TMEM163: variants seen among roughly 807,000 people sequenced by gnomAD.
TMEM163 encodes the protein transmembrane protein 163.
In TMEM163, 17 loss-of-function variants were observed where a neutral mutation model predicts 29.3. That is an observed-to-expected ratio of 0.58 (90% CI 0.40 to 0.87). The LOEUF is 0.87. Ranked by LOEUF, TMEM163 falls within the 40% of genes least tolerant of loss-of-function variation. The pLI is 0.00. For synonymous variants in TMEM163, 157 were observed against 160.6 expected (o/e 0.98, Z 0.17); for missense variants, 303 against 381.5 (o/e 0.79, Z 1.71).
At chr2:134,476,707 T>TGGAG in intron 5 of TMEM163, among the ~76,000 whole-genome samples, 1 of 152,322 alleles carries the variant, frequency 6.6e-6, no homozygotes, top group Non-Finnish European at 1.5e-5. Flanking sequence ...AACATGGACC[T>TGGAG]GGAGGGCTGG....
intron 4 of TMEM163, among the ~76,000 whole-genome samples, chr2:134,533,509 T>G (rs1680460269): frequency 6.6e-6 from 1 of 152,260 alleles, no homozygotes; most frequent in African/African-American, 2.4e-5. Context: ...AACATTCATA[T>G]TAATTGAAAC....
chr2:134,697,458 T>C (rs1684607079), intron 2 of TMEM163, among the ~76,000 whole-genome samples: 1 of 147,624 alleles, frequency 6.8e-6, no homozygotes, highest in South Asian at 2.1e-4. Context: ...ATAGGTTTCT[T>C]CTCAATTTTT....
chr2:134,611,865 C>A lies in TMEM163; in HGVS notation c.323-59774G>T, dbSNP rs139957958. ...CCATGTTGGGGGAAACAGGCAAAAA[C>A]GACAGTCACTTGCAGGAAAGTAACC... On this transcript the variant is annotated intron_variant, in intron 2 of 7. Coordinates refer to ENST00000281924, the MANE Select transcript of TMEM163 (RefSeq NM_030923.5). Among the ~76,000 whole-genome samples the A allele has an allele frequency of 2.0e-4, 30 of 152,266 alleles. No homozygotes were observed. In the East Asian group the frequency reaches 5.4e-3, roughly 27 times the overall value.
chr2:134,457,170 C>A (rs1207034194), intron 7 of TMEM163, among the ~76,000 whole-genome samples: 2 of 152,138 alleles, frequency 1.3e-5, no homozygotes, highest in African/African-American at 4.8e-5. Flanking sequence ...ACAGATCTAC[C>A]ACATTTATCC....
At chr2:134,554,047 G>A (rs1680992213) in intron 2 of TMEM163, among the ~76,000 whole-genome samples, 1 of 152,172 alleles carries the variant, frequency 6.6e-6, no homozygotes, top group South Asian at 2.1e-4. Flanking sequence ...TTAGCTGTGT[G>A]CTTTTTGTGG....
intron 2 of TMEM163, among the ~76,000 whole-genome samples, chr2:134,672,280 A>G (rs546739420): frequency 1.3e-5 from 2 of 152,350 alleles, no homozygotes; most frequent in Admixed American, 6.5e-5. Context: ...AGAAATGGCT[A>G]TGACCACATA....
At chr2:134,590,219 C>G (rs567451784) in intron 2 of TMEM163, among the ~76,000 whole-genome samples, 1 of 151,866 alleles carries the variant, frequency 6.6e-6, no homozygotes, top group South Asian at 2.1e-4. Context: ...GGATCTAGTA[C>G]AGAAACAGAA....
intron 6 of TMEM163, among the ~76,000 whole-genome samples, chr2:134,465,189 T>TAAAAAAAAAAC (rs1553471746): frequency 8.5e-6 from 1 of 117,734 alleles, no homozygotes; most frequent in African/African-American, 3.7e-5. Flanking sequence ...TCCGCATCTT[T>TAAAAAAAAAAC]AAAAAAAAAA....
chr2:134,656,490 G>T (rs1358953649), intron 2 of TMEM163, among the ~76,000 whole-genome samples: 1 of 152,170 alleles, frequency 6.6e-6, no homozygotes, highest in African/African-American at 2.4e-5. Context: ...AGATGGAAAT[G>T]CAGAAATCAC....
chr2:134,519,929 T>G (rs891382980), intron 4 of TMEM163, among the ~76,000 whole-genome samples: 1 of 149,142 alleles, frequency 6.7e-6, no homozygotes, highest in Non-Finnish European at 1.5e-5. Flanking sequence ...ACAAACATCC[T>G]CTGAAGACTG....
intron 2 of TMEM163, among the ~76,000 whole-genome samples, chr2:134,694,610 G>A (rs1684539584): frequency 6.6e-6 from 1 of 152,160 alleles, no homozygotes; most frequent in Non-Finnish European, 1.5e-5. Flanking sequence ...TAAAGTTTAA[G>A]CTTCTCCTTT....
chr2:134,549,340 T>G lies in TMEM163; in HGVS notation c.458+1230A>C, dbSNP rs1680858585. Among the ~76,000 whole-genome samples the G allele has an allele frequency of 1.3e-5, 2 of 152,196 alleles. 1 individual carries two copies. The highest frequency in any genetic ancestry group is 4.1e-4 in the South Asian group (2 of 4,834). ...TTGTATGTTGGAATATGGCCTAACA[T>G]CCCATTCAAGAGTACTTTCTTGTTT... On this transcript the variant is annotated intron_variant, in intron 4 of 7. Coordinates refer to ENST00000281924, the MANE Select transcript of TMEM163 (RefSeq NM_030923.5).
intron 2 of TMEM163, among the ~76,000 whole-genome samples, chr2:134,623,522 C>T (rs1235793547): frequency 6.6e-6 from 1 of 152,166 alleles, no homozygotes; most frequent in Non-Finnish European, 1.5e-5. Context: ...AATCCCAGCA[C>T]TTTGAGAGGC....
intron 5 of TMEM163, among the ~76,000 whole-genome samples, chr2:134,492,898 T>A (rs1314030262): frequency 6.6e-6 from 1 of 152,214 alleles, no homozygotes; most frequent in Non-Finnish European, 1.5e-5. Context: ...AGTAAATAGA[T>A]ATTTGACTTT....
At chr2:134,712,199 A>G (rs6747870) in intron 2 of TMEM163, among the ~76,000 whole-genome samples, 27,812 of 152,246 alleles carry the variant, frequency 0.18, 2,912 homozygotes, top group Middle Eastern at 0.38. Context: ...CAAGTAATAT[A>G]TGCCTAGTTT....
At chr2:134,646,936 A>G (rs936575435) in intron 2 of TMEM163, among the ~76,000 whole-genome samples, 7 of 152,238 alleles carry the variant, frequency 4.6e-5, no homozygotes, top group African/African-American at 1.7e-4. Flanking sequence ...ATAAGAGGCA[A>G]GTCAGCCAAA....
rs77400537 is a variant in TMEM163, at chr2:134,686,705, C to T, written c.322+26495G>A. Among the ~76,000 whole-genome samples, 112 of 152,162 alleles carry T rather than the reference C, an allele frequency of 7.4e-4. 2 individuals carry two copies. In the East Asian group the frequency reaches 0.015, roughly 20 times the overall value. ...ATTGTAATACTAAGAAATTTGGAGG[C>T]GTGGAAGTGAAAAGCTGTGAAGGAT... is the stretch of plus-strand genomic sequence containing the variant. On this transcript the variant is annotated intron_variant, in intron 2 of 7. Coordinates refer to ENST00000281924, the MANE Select transcript of TMEM163 (RefSeq NM_030923.5).
intron 2 of TMEM163, among the ~76,000 whole-genome samples, chr2:134,682,393 G>A (rs1351673210): frequency 6.6e-6 from 1 of 152,202 alleles, no homozygotes; most frequent in African/African-American, 2.4e-5. Context: ...CAGGGTCAAA[G>A]CTGTGTCTCA....
At chr2:134,582,459 G>A (rs965849557) in intron 2 of TMEM163, among the ~76,000 whole-genome samples, 5 of 152,236 alleles carry the variant, frequency 3.3e-5, no homozygotes, top group African/African-American at 2.4e-5. Flanking sequence ...GTTCCTGCAT[G>A]TAAGTTCTCA....
Sources: gnomAD v4.1 joint callset for allele counts (sites outside exome capture counted in the v4.1 genomes callset) on GRCh38, gnomAD v4.1.1 for gene constraint, MANE v1.5 for transcripts, NCBI Gene and HGNC (gene_info 2026-07-23, HGNC 2026-07-21) for gene names.